Variants in SLC4A10 observed in about 807,000 individuals in gnomAD.
SLC4A10 encodes the protein sodium-driven chloride bicarbonate exchanger.
In SLC4A10, 42 loss-of-function variants were observed where a neutral mutation model predicts 137.7. The ratio of observed to expected loss-of-function variants is 0.30; its 90% CI spans 0.24 to 0.39. The LOEUF (loss-of-function observed/expected upper bound fraction) is 0.39, where lower values mean the gene tolerates loss of function less well. Ranked by LOEUF, SLC4A10 falls within the 10% of genes least tolerant of loss-of-function variation. The probability of loss-of-function intolerance (pLI) is 1.00; values close to 1 mark genes in which losing one functional copy is unlikely to be tolerated. For synonymous variants in SLC4A10, 474 were observed against 464.1 expected (o/e 1.02, Z -0.27); for missense variants, 925 against 1,355.0 (o/e 0.68, Z 4.98).
At chr2:161,755,458 G>A (rs891653720) in intron 1 of SLC4A10, among the ~76,000 whole-genome samples, 2 of 152,080 alleles carry the variant, frequency 1.3e-5, no homozygotes, top group African/African-American at 4.8e-5. Context: ...TTTAAAATAT[G>A]GATCATAGAT....
chr2:161,855,256 T>A, intron 5 of SLC4A10, 126 bp downstream of exon 5: 3 of 811,534 alleles, frequency 3.7e-6, no homozygotes, highest in Non-Finnish European at 5.3e-6. Flanking sequence ...CATAAGGTCT[T>A]AAAAGTCATT....
chr2:161,924,891 A>G (rs1688785031), intron 15 of SLC4A10, among the ~76,000 whole-genome samples: 1 of 152,208 alleles, frequency 6.6e-6, no homozygotes, highest in Non-Finnish European at 1.5e-5. Flanking sequence ...GAGAAGCCAT[A>G]TCATCAGGTT....
rs974444310 is a variant in SLC4A10 at position 161,924,379 on chromosome 2, C to G, written c.1998-18413C>G. Reference sequence around the variant, plus strand: ...AGTTGGTACGGAGATATCAAATGTCCTTACACAACTGGGCAGCCTCTGAGA... The same window carrying G: ...AGTTGGTACGGAGATATCAAATGTCGTTACACAACTGGGCAGCCTCTGAGA... On this transcript the variant is annotated intron_variant, in intron 15 of 26. Coordinates refer to ENST00000446997, the MANE Select transcript of SLC4A10 (RefSeq NM_001178015.2). 2.0e-5 allele frequency among the ~76,000 whole-genome samples: 3 copies of G among 151,872 alleles called. No homozygotes were observed. In the South Asian group the frequency reaches 6.3e-4, roughly 32 times the overall value.
At chr2:161,832,267 C>T (rs1012072505) in intron 3 of SLC4A10, among the ~76,000 whole-genome samples, 2 of 152,148 alleles carry the variant, frequency 1.3e-5, no homozygotes, top group African/African-American at 2.4e-5. Flanking sequence ...GCATAATAAA[C>T]CATCTTTTGT....
intron 19 of SLC4A10, 149 bp from the exon 20 acceptor site, chr2:161,956,840 A>C: frequency 1.2e-6 from 1 of 849,130 alleles, no homozygotes; most frequent in Non-Finnish European, 1.7e-6. Context: ...GCAATTGGAA[A>C]CTGAGTGTTT....
At chr2:161,785,629 T>C (rs1251785061) in intron 2 of SLC4A10, among the ~76,000 whole-genome samples, 2 of 151,806 alleles carry the variant, frequency 1.3e-5, no homozygotes, top group Admixed American at 6.6e-5. Context: ...AAATATATTA[T>C]TATTTAACAT....
At chr2:161,726,773 G>A (rs1313585571) in intron 1 of SLC4A10, among the ~76,000 whole-genome samples, 2 of 152,154 alleles carry the variant, frequency 1.3e-5, no homozygotes, top group Admixed American at 6.5e-5. Context: ...ACTAGGTGTG[G>A]TGGCACATGC....
rs964852517 is a variant in SLC4A10 at position 161,697,533 on chromosome 2, G to A, written c.48+72967G>A. Among the ~76,000 whole-genome samples the A allele has an allele frequency of 2.6e-5, 4 of 152,046 alleles. No homozygotes were observed. In the East Asian group the frequency reaches 5.8e-4, roughly 22 times the overall value. ...TCAACTTTCTACATATGGCTAGCCC[G>A]TTTTCCCAGCACCATTTATTAAATA... is the stretch of plus-strand genomic sequence containing the variant. On this transcript the variant is annotated intron_variant, in intron 1 of 26. Transcript: ENST00000446997.
At chr2:161,843,739 T>C (rs977995492) in intron 4 of SLC4A10, among the ~76,000 whole-genome samples, 1 of 152,166 alleles carries the variant, frequency 6.6e-6, no homozygotes, top group Non-Finnish European at 1.5e-5. Flanking sequence ...AGCATCACCA[T>C]TTAAAGCACT....
rs1435940048 is a variant in SLC4A10, at chr2:161,928,257, T to C, written c.1998-14535T>C. Among the ~76,000 whole-genome samples the C allele has an allele frequency of 2.0e-5, 3 of 149,324 alleles. No individual in the cohort carries two copies. In the Admixed American group the frequency reaches 2.0e-4, roughly 10 times the overall value. ...TGAAATTGGAAATCATCATTCTCAG[T>C]AAACTATCGCAAGAACAAAAAACCA... On this transcript the variant is annotated intron_variant, in intron 15 of 26. Coordinates refer to ENST00000446997, the MANE Select transcript of SLC4A10 (RefSeq NM_001178015.2).
intron 4 of SLC4A10, among the ~76,000 whole-genome samples, chr2:161,841,643 G>A (rs1436571417): frequency 1.3e-5 from 2 of 152,106 alleles, no homozygotes; most frequent in Non-Finnish European, 2.9e-5. Flanking sequence ...TATATTTTCA[G>A]TGGTCTTTAC....
At chr2:161,749,306 C>T (rs1249859953) in intron 1 of SLC4A10, among the ~76,000 whole-genome samples, 1 of 151,880 alleles carries the variant, frequency 6.6e-6, no homozygotes, top group Non-Finnish European at 1.5e-5. Context: ...TTCAGTATTA[C>T]ATTAAATAGA....
intron 11 of SLC4A10, among the ~76,000 whole-genome samples, chr2:161,899,188 TCTC>T (rs2063834221): frequency 6.6e-6 from 1 of 151,964 alleles, no homozygotes; most frequent in East Asian, 1.9e-4. Flanking sequence ...CTCTACCAAT[TCTC>T]CTCTTTCTCT....
intron 1 of SLC4A10, among the ~76,000 whole-genome samples, chr2:161,698,206 G>A (rs1323980442): frequency 6.6e-6 from 1 of 152,146 alleles, no homozygotes; most frequent in East Asian, 1.9e-4. Flanking sequence ...GGAGATTTTG[G>A]GCTGAGATCA....
intron 10 of SLC4A10, among the ~76,000 whole-genome samples, chr2:161,892,361 G>A (rs955054556): frequency 6.6e-6 from 1 of 151,240 alleles, no homozygotes; most frequent in African/African-American, 2.4e-5. Flanking sequence ...AGGTCTCAGG[G>A]CCATGTAGCC....
At chr2:161,930,110 C>T (rs1045463544) in intron 15 of SLC4A10, among the ~76,000 whole-genome samples, 11 of 152,064 alleles carry the variant, frequency 7.2e-5, no homozygotes, top group African/African-American at 2.7e-4. Flanking sequence ...TATTCATAGC[C>T]ATCTGGTTCT....
At chr2:161,672,452 T>G (rs1431834608) in intron 1 of SLC4A10, among the ~76,000 whole-genome samples, 1 of 152,052 alleles carries the variant, frequency 6.6e-6, no homozygotes, top group Admixed American at 6.6e-5. Flanking sequence ...GGAGAATCAC[T>G]TGAGGCCAGG....
At chr2:161,980,480 C>G (rs576433573) in intron 26 of SLC4A10, among the ~76,000 whole-genome samples, 16 of 152,294 alleles carry the variant, frequency 1.1e-4, no homozygotes, top group African/African-American at 3.9e-4. Context: ...GAAACCCCAT[C>G]TCTACTAAAA....
intron 3 of SLC4A10, among the ~76,000 whole-genome samples, chr2:161,809,049 G>A (rs746764293): frequency 5.3e-5 from 8 of 152,042 alleles, no homozygotes; most frequent in Non-Finnish European, 8.8e-5. Flanking sequence ...TAAGCATTCC[G>A]TTTTCTCTGC....
Sources: gnomAD v4.1 joint callset for allele counts (sites outside exome capture counted in the v4.1 genomes callset) on GRCh38, gnomAD v4.1.1 for gene constraint, MANE v1.5 for transcripts, NCBI Gene and HGNC (gene_info 2026-07-23, HGNC 2026-07-21) for gene names.